The following PLOD1 variants were observed in gnomAD, a reference collection of about 807,000 sequenced individuals.
The protein encoded by PLOD1 is procollagen-lysine,2-oxoglutarate 5-dioxygenase 1.
Under a neutral mutation model 94.7 loss-of-function variants are expected in PLOD1, and 70 were observed. That is an observed-to-expected ratio of 0.74 (90% CI 0.61 to 0.90). PLOD1 has a LOEUF of 0.90. PLOD1 is among the 40% of genes least tolerant of loss of function. PLOD1 has a pLI of 0.00. For missense variants in PLOD1, 905 were observed against 972.7 expected (o/e 0.93, Z 0.93); for synonymous variants, 417 against 400.2 (o/e 1.04, Z -0.50).
At chr1:11,948,846 G>A (rs1645676330) in intron 2 of PLOD1, among the ~76,000 whole-genome samples, 2 of 152,218 alleles carry the variant, frequency 1.3e-5, no homozygotes, top group Non-Finnish European at 2.9e-5. Context: ...GCAGGGAGAC[G>A]AGTATCCTGA....
Position 11,934,790 on chromosome 1 carries a change from T to C in PLOD1, c.11T>C (p.Leu4Pro). Residue 4 changes from leucine (L) to proline (P), a missense_variant, in exon 1 of 19, where the codon CTG (leucine) becomes CCG (proline). Coordinates refer to ENST00000196061, the MANE Select transcript of PLOD1 (RefSeq NM_000302.4). ...CCCCATACCTCGGCCATGCGGCCCC[T>C]GCTGCTACTGGCCCTGCTGGGCTGG... MRP[L>P]LLLALLGWLL... 6.5e-7 allele frequency: 1 copy of C among 1,539,598 alleles called. No individual in the cohort carries two copies.
chr1:11,942,218 A>G (rs1645620540), intron 1 of PLOD1, among the ~76,000 whole-genome samples: 2 of 150,538 alleles, frequency 1.3e-5, no homozygotes, highest in Admixed American at 6.6e-5. Context: ...TCTGATCTCA[A>G]CTGATCTGCC....
intron 1 of PLOD1, among the ~76,000 whole-genome samples, chr1:11,941,647 AT>A (rs535590279): frequency 3.3e-5 from 5 of 151,684 alleles, no homozygotes; most frequent in Admixed American, 2.0e-4. Context: ...GCCCAGCTAA[AT>A]TTTTTTTGTA....
intron 1 of PLOD1, among the ~76,000 whole-genome samples, chr1:11,941,886 G>T (rs1198962087): frequency 6.6e-6 from 1 of 152,030 alleles, no homozygotes; most frequent in Non-Finnish European, 1.5e-5. Flanking sequence ...GTTTTGCCAT[G>T]TTGGCCAGGT....
chr1:11,947,963 C>A lies in PLOD1; in HGVS notation c.77-13C>A, dbSNP rs376305279. ...CCTCCATTCCCATTCACCATACCCT[C>A]CTCTGTCTGCAGACAACCTTTTAGT... On this transcript the variant is annotated splice_polypyrimidine_tract_variant and intron_variant, in intron 1 of 18. Coordinates refer to ENST00000196061, the MANE Select transcript of PLOD1 (RefSeq NM_000302.4). 65 of 1,573,666 alleles carry A rather than the reference C, an allele frequency of 4.1e-5. No individual in the cohort carries two copies. The African/African-American group carries it at 8.6e-4, about 21-fold the overall frequency.
rs1348815181 is a variant in PLOD1 at position 11,972,936 on chromosome 1, A to T, written c.1967A>T (p.His656Leu). Reference sequence around the variant, plus strand: ...GATGAGCAGCCCTCACTGATGCCACACCATGATGCCTCCACCTTCACCATC... The same window carrying T: ...GATGAGCAGCCCTCACTGATGCCACTCCATGATGCCTCCACCTTCACCATC... ...KPDEQPSLMP[H>L]HDASTFTINI... The change falls in exon 18 of 19, where the codon CAC (histidine) becomes CTC (leucine). Residue 656 changes from histidine to leucine, a missense_variant. Coordinates refer to ENST00000196061, the MANE Select transcript of PLOD1 (RefSeq NM_000302.4). This position sits in a 1 kb window ranked among gnomAD's most constrained non-coding sequence, Gnocchi z 4.6. 1 of 1,613,948 alleles carries T rather than the reference A, an allele frequency of 6.2e-7. No individual in the cohort carries two copies. Among genetic ancestry groups the T allele is most frequent in the Non-Finnish European group, 8.5e-7 (1 of 1,179,984 alleles).
Position 11,974,787 on chromosome 1 carries a change from A to C in PLOD1, c.2163A>C (p.Ala721=), listed in dbSNP as rs1374848303. Reference sequence around the variant, plus strand: ...CCACCAGGGGCACCCGCTACATCGCAGTCTCCTTCGTCGATCCCTAATTGG... The same window carrying C: ...CCACCAGGGGCACCCGCTACATCGCCGTCTCCTTCGTCGATCCCTAATTGG... ...LPTTRGTRYI[A]VSFVDP The change falls in exon 19 of 19, where the codon GCA becomes GCC. Residue 721 remains alanine (A), a synonymous_variant. Coordinates refer to ENST00000196061, the MANE Select transcript of PLOD1 (RefSeq NM_000302.4). The C allele has an allele frequency of 3.1e-6, 5 of 1,613,996 alleles. No homozygotes were observed. Among genetic ancestry groups the C allele is most frequent in the Non-Finnish European group, 4.2e-6 (5 of 1,180,022 alleles).
At position 11,954,501 on chromosome 1, in the gene PLOD1, T is replaced by G. The variant is rs1387846538; in HGVS notation, c.580-329T>G. Reference sequence around the variant, plus strand: ...AACTCTTTCTCAAAAAAAAGAATATTTGGAGTAGCTATGTGCGTGTAGTGG... The same window carrying G: ...AACTCTTTCTCAAAAAAAAGAATATGTGGAGTAGCTATGTGCGTGTAGTGG... On this transcript the variant is annotated intron_variant, in intron 5 of 18. Transcript: ENST00000196061. 1.2e-5 allele frequency: 7 copies of G among 591,610 alleles called. No individual in the cohort carries two copies. The African/African-American group carries it at 1.3e-4, about 11-fold the overall frequency. The allele number at this position is 591,610 out of a possible 1,614,324, so 36.6% of individuals were successfully genotyped here.
intron 14 of PLOD1, 92 bp from the exon 15 acceptor site, chr1:11,966,159 C>T: frequency 1.1e-6 from 1 of 914,708 alleles, no homozygotes; most frequent in Non-Finnish European, 1.8e-6. Flanking sequence ...CAAGCACGTA[C>T]ACCTTCACTC....
In PLOD1 at chr1:11,960,316, T is replaced by C. The variant is rs184883280; in HGVS notation, c.976-330T>C. On this transcript the variant is annotated intron_variant, in intron 9 of 18. Transcript: ENST00000196061. ...GAAGTTGAGGATCACCTGGCACATT[T>C]TGTAACAAAGTGGATCTCTGGGCCA... Among the ~76,000 whole-genome samples, 4 of 152,288 alleles carry C rather than the reference T, an allele frequency of 2.6e-5. No individual in the cohort carries two copies. The East Asian group carries it at 5.8e-4, about 22-fold the overall frequency.
chr1:11,936,610 T>A (rs572611396), intron 1 of PLOD1, among the ~76,000 whole-genome samples: 1 of 151,252 alleles, frequency 6.6e-6, no homozygotes, highest in African/African-American at 2.4e-5. Flanking sequence ...GCAACCTCTG[T>A]CTCCTGGGTT....
rs58516819 is a variant in PLOD1, at chr1:11,967,597, G to T, written c.1755+506G>T. Among the ~76,000 whole-genome samples, 53 of 59,734 alleles carry T rather than the reference G, an allele frequency of 8.9e-4. 3 individuals carry two copies. The highest frequency in any genetic ancestry group is 3.4e-3 in the African/African-American group (50 of 14,854). 39.2% of individuals were successfully genotyped at this position (59,734 alleles called of 152,430 possible). A position where few individuals can be genotyped will look rare whatever the true frequency, so the allele number is the denominator to read the frequency against. ...TTTTTCTTTTCATGTGTGTGTGTGT[G>T]TATATATATATATATATAAAAAGAA... On this transcript the variant is annotated intron_variant, in intron 16 of 18. Transcript: ENST00000196061.
chr1:11,967,616 A>ATATAT (rs35226154), intron 16 of PLOD1, among the ~76,000 whole-genome samples: 911 of 75,040 alleles, frequency 0.012, 76 homozygotes, highest in African/African-American at 0.054. Flanking sequence ...TATATATATA[A>ATATAT]AAAGAAATAT....
In PLOD1 at chr1:11,972,657, C is replaced by G; in HGVS notation, c.1903-215C>G. On this transcript the variant is annotated intron_variant, in intron 17 of 18. Transcript: ENST00000196061. This position sits in a 1 kb window ranked among gnomAD's most constrained non-coding sequence, Gnocchi z 4.6. ...TTCCTTCCCCTCTGTTCTCTTCCTT[C>G]CCTCCCTCTCTCCCCTCTGTCCATA... 1 of 470,800 alleles carries G rather than the reference C, an allele frequency of 2.1e-6. No homozygotes were observed. Among genetic ancestry groups the G allele is most frequent in the East Asian group, 3.9e-5 (1 of 25,538 alleles). 29.2% of individuals were successfully genotyped at this position (470,800 alleles called of 1,614,324 possible).
rs926787989 is a variant in PLOD1, at chr1:11,948,114, G to C, written c.168+47G>C. ...GCAGAGACAGTGAGGGGTGGCAGGA[G>C]GATCTAGGAGCTAGTGTCCTTTCCA... On this transcript the variant is annotated intron_variant, in intron 2 of 18. Transcript: ENST00000196061. 21 of 1,266,722 alleles carry C rather than the reference G, an allele frequency of 1.7e-5. No individual in the cohort carries two copies. In the East Asian group the frequency reaches 4.2e-4, roughly 25 times the overall value. The allele number at this position is 1,266,722 out of a possible 1,614,324, so 78.5% of individuals were successfully genotyped here. A position where few individuals can be genotyped will look rare whatever the true frequency, so the allele number is the denominator to read the frequency against.
At chr1:11,935,899 A>C (rs149139376) in intron 1 of PLOD1, among the ~76,000 whole-genome samples, 30 of 152,026 alleles carry the variant, frequency 2.0e-4, no homozygotes, top group African/African-American at 7.2e-4. Context: ...TTTGGATTAC[A>C]GGCGTGAGCC....
At chr1:11,940,180 G>A (rs1645606521) in intron 1 of PLOD1, among the ~76,000 whole-genome samples, 1 of 152,092 alleles carries the variant, frequency 6.6e-6, no homozygotes, top group African/African-American at 2.4e-5. Context: ...GTGCCACCAT[G>A]TCTGGCTAAT....
At chr1:11,960,446 A>G (rs1190728682) in intron 9 of PLOD1, among the ~76,000 whole-genome samples, 200 bp from the exon 10 acceptor site, 2 of 152,118 alleles carry the variant, frequency 1.3e-5, no homozygotes, top group Non-Finnish European at 2.9e-5. Flanking sequence ...GTCAGAGGAG[A>G]ATGGGCAAAG....
Position 11,940,311 on chromosome 1 carries a change from C to T in PLOD1, c.76+5456C>T, listed in dbSNP as rs112091640. On this transcript the variant is annotated intron_variant, in intron 1 of 18. Transcript: ENST00000196061. ...GTGTTGACATTACAGGTGTGAGCCA[C>T]CCCACCCTCTGCATCATTCTTGCTC... Among the ~76,000 whole-genome samples, 1,186 of 152,246 alleles carry T rather than the reference C, an allele frequency of 7.8e-3. 5 individuals are homozygous for T. Among genetic ancestry groups the T allele is most frequent in the South Asian group, 0.017 (84 of 4,828 alleles).
Sources: gnomAD v4.1 joint callset for allele counts (sites outside exome capture counted in the v4.1 genomes callset) on GRCh38, gnomAD v4.1.1 for gene constraint, Gnocchi (gnomAD v3.1) non-coding constraint, MANE v1.5 for transcripts, NCBI Gene and HGNC (gene_info 2026-07-23, HGNC 2026-07-21) for gene names.